YEATS4: variants seen among roughly 807,000 people sequenced by gnomAD.
YEATS4 encodes YEATS domain containing 4.
In YEATS4, 17 loss-of-function variants were observed where a neutral mutation model predicts 30.1. That is an observed-to-expected ratio of 0.56 (90% CI 0.39 to 0.85). The LOEUF (loss-of-function observed/expected upper bound fraction) is 0.85, where lower values mean the gene tolerates loss of function less well. Among genes scored for constraint, YEATS4 ranks in the 40% least tolerant of loss-of-function variants. The probability of loss-of-function intolerance (pLI) is 0.00; values close to 1 mark genes in which losing one functional copy is unlikely to be tolerated. For synonymous variants in YEATS4, 85 were observed against 87.5 expected, an observed-to-expected ratio of 0.97 and a Z score of 0.16; for missense variants, 142 against 268.3, an observed-to-expected ratio of 0.53 and a Z score of 3.29.
intron 6 of YEATS4, among the ~76,000 whole-genome samples, chr12:69,373,097 A>C (rs1875708312): frequency 6.6e-6 from 1 of 152,224 alleles, no homozygotes; most frequent in Admixed American, 6.5e-5. Flanking sequence ...GCAATAACAT[A>C]AACATGGAAG....
chr12:69,421,970 C>T, the YEATS4 span, among the ~76,000 whole-genome samples: 44 of 152,254 alleles, frequency 2.9e-4, no homozygotes, highest in Non-Finnish European at 6.0e-4. Flanking sequence ...GCTTTAAGGG[C>T]TTGCTTTGAG....
At chr12:69,421,259 C>T in the YEATS4 span, among the ~76,000 whole-genome samples, 1 of 151,440 alleles carries the variant, frequency 6.6e-6, no homozygotes, top group Non-Finnish European at 1.5e-5. Flanking sequence ...CATTCCTGTA[C>T]AAAAAAGATA....
At chr12:69,360,439 A>T in intron 1 of YEATS4, among the ~76,000 whole-genome samples, 1 of 152,208 alleles carries the variant, frequency 6.6e-6, no homozygotes, top group Non-Finnish European at 1.5e-5. Flanking sequence ...TACCCGCAGT[A>T]TTTCCAAGTG....
chr12:69,418,356 G>A, the YEATS4 span, among the ~76,000 whole-genome samples: 1 of 152,138 alleles, frequency 6.6e-6, no homozygotes, highest in African/African-American at 2.4e-5. Context: ...GGAGGCTGAG[G>A]CACAAGAATT....
At chr12:69,378,779 T>C (rs558183313) in intron 6 of YEATS4, among the ~76,000 whole-genome samples, 2 of 152,370 alleles carry the variant, frequency 1.3e-5, no homozygotes, top group African/African-American at 4.8e-5. Flanking sequence ...TCTTTTCATA[T>C]TTCTACCTAA....
chr12:69,403,929 AT>A, the YEATS4 span, among the ~76,000 whole-genome samples: 1 of 151,554 alleles, frequency 6.6e-6, no homozygotes, highest in Non-Finnish European at 1.5e-5. Flanking sequence ...TTTCACCATG[AT>A]TTTTTTGTTT....
chr12:69,413,680 C>T, the YEATS4 span, among the ~76,000 whole-genome samples: 107 of 151,970 alleles, frequency 7.0e-4, no homozygotes, highest in African/African-American at 2.4e-3. Context: ...GGCGAAACCC[C>T]GTCTCTACTA....
chr12:69,417,696 T>G, the YEATS4 span, among the ~76,000 whole-genome samples: 1 of 152,144 alleles, frequency 6.6e-6, no homozygotes, highest in South Asian at 2.1e-4. Flanking sequence ...ACCCACGTAC[T>G]GTGTTTCTGT....
chr12:69,420,508 A>G, the YEATS4 span, among the ~76,000 whole-genome samples: 1 of 152,046 alleles, frequency 6.6e-6, no homozygotes, highest in Non-Finnish European at 1.5e-5. Flanking sequence ...AGATCATTGG[A>G]GATGTGTGAA....
At chr12:69,378,567 C>T (rs569093492) in intron 6 of YEATS4, among the ~76,000 whole-genome samples, 1 of 152,160 alleles carries the variant, frequency 6.6e-6, no homozygotes, top group African/African-American at 2.4e-5. Context: ...TACCATGAAG[C>T]TTGCAAATAA....
At chr12:69,385,125 C>T (rs1400844580) in intron 6 of YEATS4, among the ~76,000 whole-genome samples, 1 of 152,036 alleles carries the variant, frequency 6.6e-6, no homozygotes, top group Non-Finnish European at 1.5e-5. Flanking sequence ...GATCCTCCTG[C>T]CTTGGCCCCC....
chr12:69,376,922 A>T (rs1324212173), intron 6 of YEATS4, among the ~76,000 whole-genome samples: 1 of 152,044 alleles, frequency 6.6e-6, no homozygotes, highest in Non-Finnish European at 1.5e-5. Context: ...TTCATGATTC[A>T]ATCTTGGTAG....
chr12:69,362,362 C>T (rs1592846442), intron 1 of YEATS4, among the ~76,000 whole-genome samples: 1 of 152,030 alleles, frequency 6.6e-6, no homozygotes, highest in African/African-American at 2.4e-5. Context: ...AATGTTTGAC[C>T]TTTATTCTAC....
At chr12:69,377,753 C>A (rs887985714) in intron 6 of YEATS4, among the ~76,000 whole-genome samples, 1 of 152,112 alleles carries the variant, frequency 6.6e-6, no homozygotes, top group African/African-American at 2.4e-5. Flanking sequence ...TGTTTTGTGG[C>A]CTAACATATG....
rs537257735 is a variant in YEATS4, at chr12:69,376,183, A to G, written c.514+5208A>G. Among the ~76,000 whole-genome samples the G allele has an allele frequency of 2.0e-4, 31 of 152,300 alleles. No homozygotes were observed. In the South Asian group the frequency reaches 5.8e-3, roughly 28 times the overall value. ...GGAGTTCAAGACCAGCCTGGCCAAC[A>G]TGGCGAAACCCTTCTCTGCTAAAAC... On this transcript the variant is annotated intron_variant, in intron 6 of 6. Transcript: ENST00000247843.
At chr12:69,366,700 C>T (rs1875447367) in intron 4 of YEATS4, among the ~76,000 whole-genome samples, 1 of 125,558 alleles carries the variant, frequency 8.0e-6, no homozygotes, top group South Asian at 2.6e-4. Context: ...CATTCATCAC[C>T]ATTTTATCTT....
the YEATS4 span, among the ~76,000 whole-genome samples, chr12:69,415,301 G>T: frequency 6.6e-6 from 1 of 152,204 alleles, no homozygotes; most frequent in African/African-American, 2.4e-5. Flanking sequence ...GGGGCCAAGT[G>T]TGGAGGCTCA....
At chr12:69,373,410 G>T (rs564689208) in intron 6 of YEATS4, among the ~76,000 whole-genome samples, 19 of 152,180 alleles carry the variant, frequency 1.2e-4, no homozygotes, top group African/African-American at 4.6e-4. Context: ...GCACCTTTTC[G>T]TATACCTGTT....
chr12:69,426,499 T>G, the YEATS4 span, among the ~76,000 whole-genome samples: 2 of 151,974 alleles, frequency 1.3e-5, no homozygotes, highest in African/African-American at 4.8e-5. Flanking sequence ...GCCTCCCGAG[T>G]AGCTGGGATT....
Sources: allele counts gnomAD v4.1 joint callset (sites outside exome capture counted in the v4.1 genomes callset), GRCh38; gene constraint gnomAD v4.1.1; transcripts MANE v1.5; gene names NCBI Gene and HGNC (gene_info 2026-07-23, HGNC 2026-07-21).